Variants in IGSF21 observed in about 807,000 individuals in gnomAD.
IGSF21 encodes immunoglobulin superfamily member 21.
Under a neutral mutation model 46.8 loss-of-function variants are expected in IGSF21, and 28 were observed. That is an observed-to-expected ratio of 0.60 (90% CI 0.44 to 0.82). IGSF21 has a LOEUF of 0.82. Among genes scored for constraint, IGSF21 ranks in the 40% least tolerant of loss-of-function variants. The pLI is 0.00. For synonymous variants in IGSF21, 284 were observed against 273.6 expected, an observed-to-expected ratio of 1.04 and a Z score of -0.38; for missense variants, 624 against 665.5, an observed-to-expected ratio of 0.94 and a Z score of 0.69.
At chr1:18,299,858 G>A (rs1198615107) in intron 3 of IGSF21, among the ~76,000 whole-genome samples, 2 of 152,138 alleles carry the variant, frequency 1.3e-5, no homozygotes, top group African/African-American at 4.8e-5. Flanking sequence ...CTCAAAATCA[G>A]GGGTGATTTT....
chr1:18,217,984 A>G (rs757656940), intron 1 of IGSF21, among the ~76,000 whole-genome samples: 3 of 152,196 alleles, frequency 2.0e-5, no homozygotes, highest in Non-Finnish European at 4.4e-5. Context: ...TCCTTCAACA[A>G]TTATTTATTG....
intron 1 of IGSF21, among the ~76,000 whole-genome samples, chr1:18,186,360 A>T (rs2086903030): frequency 1.3e-5 from 2 of 152,092 alleles, no homozygotes; most frequent in South Asian, 4.1e-4. Flanking sequence ...CTCTAAAGCA[A>T]TTGAAGAAGA....
In IGSF21 at chr1:18,335,545, T is replaced by A. The variant is rs2085757868; in HGVS notation, c.424+535T>A. On this transcript the variant is annotated intron_variant, in intron 4 of 9. Transcript: ENST00000251296. The surrounding 1 kb of genome is among the most constrained non-coding windows in gnomAD (Gnocchi z 4.8). The stretch of plus-strand genomic sequence containing the variant: ...GGGTCCTTGGGTAAGTCTATCCCCA[T>A]CCCAGACTCAGTTTTCCCATGTGTA... Among the ~76,000 whole-genome samples the A allele has an allele frequency of 6.6e-6, 1 of 152,128 alleles. No homozygotes were observed. Among genetic ancestry groups the A allele is most frequent in the African/African-American group, 2.4e-5 (1 of 41,428 alleles).
At chr1:18,349,280 C>A (rs1184739523) in intron 4 of IGSF21, among the ~76,000 whole-genome samples, 2 of 152,086 alleles carry the variant, frequency 1.3e-5, no homozygotes, top group African/African-American at 4.8e-5. Context: ...CCAGTGTTGG[C>A]CCTCAAGGAG....
chr1:18,354,242 G>A (rs2085991020), intron 4 of IGSF21, among the ~76,000 whole-genome samples: 1 of 152,172 alleles, frequency 6.6e-6, no homozygotes, highest in Non-Finnish European at 1.5e-5. Context: ...GTGTGTGCAG[G>A]GCACAGAGGA....
At chr1:18,236,167 C>T (rs2084671026) in intron 2 of IGSF21, among the ~76,000 whole-genome samples, 1 of 152,126 alleles carries the variant, frequency 6.6e-6, no homozygotes, top group Admixed American at 6.5e-5. Context: ...TTCCATGTGT[C>T]AAGGGTGGGG....
rs904122978 is a variant in IGSF21, at chr1:18,108,150, C to T, written c.22C>T (p.Arg8Cys). Residue 8 changes from arginine to cysteine, a missense_variant, in exon 1 of 10, where the codon CGC (arginine) becomes TGC (cysteine). Arg to Cys is a radical substitution (Grantham distance 180). Coordinates refer to ENST00000251296, the MANE Select transcript of IGSF21 (RefSeq NM_032880.5). MRTAPSL[R>C]RCVCLLLAAI... ...CACCATGCGAACCGCCCCGAGCCTC[C>T]GCCGCTGCGTCTGCCTGCTGCTCGC... The T allele has an allele frequency of 2.0e-5, 29 of 1,444,068 alleles. 1 individual carries two copies. In the East Asian group the frequency reaches 3.7e-4, roughly 19 times the overall value. 89.5% of individuals were successfully genotyped at this position (1,444,068 alleles called of 1,614,324 possible).
intron 2 of IGSF21, among the ~76,000 whole-genome samples, chr1:18,285,195 T>C (rs1050438022): frequency 5.3e-5 from 8 of 151,906 alleles, no homozygotes; most frequent in Non-Finnish European, 8.8e-5. Context: ...TTTTCTTTTT[T>C]TTTTTTTTCT....
chr1:18,311,799 G>A (rs1048208972), intron 3 of IGSF21, among the ~76,000 whole-genome samples: 2 of 152,174 alleles, frequency 1.3e-5, no homozygotes, highest in Non-Finnish European at 2.9e-5. Context: ...GATCATGTGA[G>A]ACTTATTCTC....
chr1:18,110,977 T>G, intron 1 of IGSF21: 1 of 152,244 alleles, frequency 6.6e-6, no homozygotes, highest in Non-Finnish European at 1.5e-5. Context: ...TGGGCGGCCC[T>G]GCGGGTTCTC....
At chr1:18,280,343 C>G (rs1007307194) in intron 2 of IGSF21, among the ~76,000 whole-genome samples, 3 of 152,122 alleles carry the variant, frequency 2.0e-5, no homozygotes, top group Non-Finnish European at 4.4e-5. Flanking sequence ...TGCCTCTTCC[C>G]AATTGCCACT....
At position 18,337,022 on chromosome 1, in the gene IGSF21, T is replaced by A. The variant is rs939414332; in HGVS notation, c.424+2012T>A. Among the ~76,000 whole-genome samples, 1 of 152,194 alleles carries A rather than the reference T, an allele frequency of 6.6e-6. No homozygotes were observed. The highest frequency in any genetic ancestry group is 1.5e-5 in the Non-Finnish European group (1 of 68,024). On this transcript the variant is annotated intron_variant, in intron 4 of 9. Transcript: ENST00000251296. This position sits in a 1 kb window ranked among gnomAD's most constrained non-coding sequence, Gnocchi z 5.7. Reference sequence around the variant, plus strand: ...ATTCAGTTATCTCCCACTAGGTCCCTCCTACAACACATGGGAATTGTGGGA... The same window carrying A: ...ATTCAGTTATCTCCCACTAGGTCCCACCTACAACACATGGGAATTGTGGGA...
At chr1:18,174,396 C>T (rs943814954) in intron 1 of IGSF21, among the ~76,000 whole-genome samples, 2 of 152,134 alleles carry the variant, frequency 1.3e-5, no homozygotes, top group African/African-American at 2.4e-5. Flanking sequence ...CTATTCTTCC[C>T]GCTGCTGATG....
chr1:18,218,112 T>TA (rs1173594764), intron 1 of IGSF21, among the ~76,000 whole-genome samples: 1 of 152,200 alleles, frequency 6.6e-6, no homozygotes, highest in Non-Finnish European at 1.5e-5. Flanking sequence ...AAAAGAGGTT[T>TA]AATTGACTCA....
intron 4 of IGSF21, among the ~76,000 whole-genome samples, chr1:18,340,734 T>C (rs1055682208): frequency 1.3e-5 from 2 of 152,124 alleles, no homozygotes; most frequent in Non-Finnish European, 2.9e-5. Context: ...TCCTTCCTTG[T>C]CCCTCTGCTT....
At chr1:18,197,974 T>C (rs2087026402) in intron 1 of IGSF21, among the ~76,000 whole-genome samples, 1 of 152,212 alleles carries the variant, frequency 6.6e-6, no homozygotes, top group South Asian at 2.1e-4. Context: ...GGTTTCTTCA[T>C]CTGTGTAGAG....
chr1:18,261,208 A>G (rs2084943907), intron 2 of IGSF21, among the ~76,000 whole-genome samples: 1 of 152,206 alleles, frequency 6.6e-6, no homozygotes, highest in South Asian at 2.1e-4. Flanking sequence ...GAGAGGACGC[A>G]TGGGAAGCCC....
rs992025967 is a variant in IGSF21 at position 18,290,858 on chromosome 1, A to G, written c.184-1008A>G. On this transcript the variant is annotated intron_variant, in intron 2 of 9. Transcript: ENST00000251296. The surrounding 1 kb of genome is among the most constrained non-coding windows in gnomAD (Gnocchi z 4.2). ...CCCTGCCCCTTTCCCCGCTGCCTCC[A>G]CCACACAGAGCCGCAGGGAGCTAAT... 6.8e-6 allele frequency among the ~76,000 whole-genome samples: 1 copy of G among 146,308 alleles called. No individual in the cohort carries two copies. The highest frequency in any genetic ancestry group is 1.5e-5 in the Non-Finnish European group (1 of 66,586).
intron 3 of IGSF21, among the ~76,000 whole-genome samples, chr1:18,301,152 G>T (rs1012152118): frequency 6.6e-6 from 1 of 152,178 alleles, no homozygotes; most frequent in African/African-American, 2.4e-5. Context: ...TGCTGACATG[G>T]AAGAACGAGA....
Sources: gnomAD v4.1 joint callset for allele counts (sites outside exome capture counted in the v4.1 genomes callset) on GRCh38, gnomAD v4.1.1 for gene constraint, Gnocchi (gnomAD v3.1) non-coding constraint, MANE v1.5 for transcripts, NCBI Gene and HGNC (gene_info 2026-07-23, HGNC 2026-07-21) for gene names.